Variants in KHDRBS2 observed in about 807,000 individuals in gnomAD.
KHDRBS2 encodes KH domain-containing, RNA-binding, signal transduction-associated protein 2.
KHDRBS2 carries 26 observed loss-of-function variants against 44.3 expected under a neutral mutation model. The ratio of observed to expected loss-of-function variants is 0.59; its 90% CI spans 0.43 to 0.81. The LOEUF is 0.81. Ranked by LOEUF, KHDRBS2 falls within the 40% of genes least tolerant of loss-of-function variation. The pLI, the probability that KHDRBS2 is intolerant of heterozygous loss-of-function variation, is 0.00. For missense variants in KHDRBS2, 476 were observed against 433.1 expected (o/e 1.10, Z -0.88); for synonymous variants, 194 against 151.1 (o/e 1.28, Z -2.08).
intron 2 of KHDRBS2, among the ~76,000 whole-genome samples, chr6:62,150,061 A>G (rs1462486912): frequency 6.6e-6 from 1 of 152,162 alleles, no homozygotes; most frequent in Non-Finnish European, 1.5e-5. Flanking sequence ...AGGCTAATCT[A>G]CCTTTCTTCA....
chr6:61,940,680 C>A (rs1388214959), intron 4 of KHDRBS2, among the ~76,000 whole-genome samples: 1 of 152,178 alleles, frequency 6.6e-6, no homozygotes, highest in Non-Finnish European at 1.5e-5. Context: ...TGCACACTGT[C>A]CTGGAGCCCA....
chr6:61,702,389 T>A (rs1768829518), intron 7 of KHDRBS2, among the ~76,000 whole-genome samples: 1 of 151,960 alleles, frequency 6.6e-6, no homozygotes, highest in South Asian at 2.1e-4. Context: ...AGAGCCCACC[T>A]ACCTGCCCTA....
At chr6:61,627,282 A>ATT in the KHDRBS2 span, among the ~76,000 whole-genome samples, 2 of 132,194 alleles carry the variant, frequency 1.5e-5, no homozygotes, top group Non-Finnish European at 3.2e-5. Flanking sequence ...AAAAAAAAAA[A>ATT]GAATTTGGCT....
the KHDRBS2 span, among the ~76,000 whole-genome samples, chr6:61,650,007 A>G: frequency 6.6e-6 from 1 of 152,040 alleles, no homozygotes; most frequent in Non-Finnish European, 1.5e-5. Flanking sequence ...CAGACCTGTA[A>G]TTCTCCCTCC....
intron 6 of KHDRBS2, among the ~76,000 whole-genome samples, chr6:61,769,544 G>T (rs1286291124): frequency 6.6e-6 from 1 of 152,324 alleles, no homozygotes; most frequent in East Asian, 1.9e-4. Flanking sequence ...GGTCCTACTG[G>T]CTTGGAGGGT....
intron 2 of KHDRBS2, among the ~76,000 whole-genome samples, chr6:62,063,980 C>G (rs909610342): frequency 6.7e-6 from 1 of 148,940 alleles, no homozygotes; most frequent in Admixed American, 6.8e-5. Context: ...TTCTTATACA[C>G]CAACAACAGA....
chr6:61,974,223 G>A (rs1313798452), intron 4 of KHDRBS2, among the ~76,000 whole-genome samples: 1 of 152,130 alleles, frequency 6.6e-6, no homozygotes, highest in Non-Finnish European at 1.5e-5. Context: ...AAATAGGAAA[G>A]TTGTATTCAT....
chr6:61,682,331 A>G (rs2127538259), intron 8 of KHDRBS2, among the ~76,000 whole-genome samples: 1 of 152,038 alleles, frequency 6.6e-6, no homozygotes, highest in South Asian at 2.1e-4. Flanking sequence ...GGGCATTATT[A>G]TTACAACTGA....
At chr6:62,040,889 T>C (rs760314549) in intron 3 of KHDRBS2, among the ~76,000 whole-genome samples, 1 of 152,116 alleles carries the variant, frequency 6.6e-6, no homozygotes, top group African/African-American at 2.4e-5. Flanking sequence ...GGGAAGAGAA[T>C]TGGACCCTAT....
intron 6 of KHDRBS2, among the ~76,000 whole-genome samples, chr6:61,827,730 G>T: frequency 6.6e-6 from 1 of 152,128 alleles, no homozygotes; most frequent in Non-Finnish European, 1.5e-5. Flanking sequence ...TTTCTGGCCT[G>T]CAGATAATAC....
At chr6:62,149,086 G>C (rs1408065492) in intron 2 of KHDRBS2, among the ~76,000 whole-genome samples, 9 of 151,874 alleles carry the variant, frequency 5.9e-5, no homozygotes, top group African/African-American at 2.2e-4. Flanking sequence ...TTTTTCCTGT[G>C]GATCTGTGTT....
intron 4 of KHDRBS2, among the ~76,000 whole-genome samples, chr6:61,914,315 C>T (rs1806586124): frequency 6.6e-6 from 1 of 152,052 alleles, no homozygotes; most frequent in African/African-American, 2.4e-5. Context: ...AGTGCCATCA[C>T]TGAGCTGGAA....
At chr6:61,801,614 C>G (rs1786292516) in intron 6 of KHDRBS2, among the ~76,000 whole-genome samples, 1 of 152,104 alleles carries the variant, frequency 6.6e-6, no homozygotes, top group African/African-American at 2.4e-5. Context: ...CCGCTGCTCC[C>G]TATCTTCTAT....
At chr6:61,665,877 T>C in the KHDRBS2 span, among the ~76,000 whole-genome samples, 2 of 151,018 alleles carry the variant, frequency 1.3e-5, no homozygotes, top group Non-Finnish European at 3.0e-5. Context: ...CTGAAATTTC[T>C]GTTCTCAAGT....
At chr6:61,741,418 A>G (rs1776119117) in intron 6 of KHDRBS2, among the ~76,000 whole-genome samples, 1 of 151,956 alleles carries the variant, frequency 6.6e-6, no homozygotes, top group Admixed American at 6.6e-5. Flanking sequence ...GGAAATAAAT[A>G]TGTTTTGAAA....
chr6:61,773,822 A>G (rs1781444558), intron 6 of KHDRBS2, among the ~76,000 whole-genome samples: 2 of 150,162 alleles, frequency 1.3e-5, no homozygotes, highest in Admixed American at 6.6e-5. Flanking sequence ...ATTTTTGTAT[A>G]AGGTGTAAGG....
At chr6:62,193,595 G>T (rs1235984065) in intron 1 of KHDRBS2, among the ~76,000 whole-genome samples, 2 of 151,990 alleles carry the variant, frequency 1.3e-5, no homozygotes, top group Non-Finnish European at 2.9e-5. Flanking sequence ...AAAGGAGAAA[G>T]CTCCTCTAAT....
At chr6:61,772,808 A>G (rs1271801300) in intron 6 of KHDRBS2, among the ~76,000 whole-genome samples, 1 of 151,924 alleles carries the variant, frequency 6.6e-6, no homozygotes, top group Non-Finnish European at 1.5e-5. Context: ...ACTCCACAAC[A>G]GTCCCCAGAG....
At chr6:62,169,175 A>ATG (rs760534934) in intron 2 of KHDRBS2, among the ~76,000 whole-genome samples, 3 of 135,106 alleles carry the variant, frequency 2.2e-5, no homozygotes, top group African/African-American at 5.5e-5. Context: ...ATATATGTAT[A>ATG]TATGTATATA....
Sources: gnomAD v4.1 joint callset for allele counts (sites outside exome capture counted in the v4.1 genomes callset) on GRCh38, gnomAD v4.1.1 for gene constraint, MANE v1.5 for transcripts, NCBI Gene and HGNC (gene_info 2026-07-23, HGNC 2026-07-21) for gene names.